NEBL: variants seen among roughly 807,000 people sequenced by gnomAD.
NEBL encodes the protein nebulette, also known as LIM and SH3 protein 2.
In NEBL, 122 loss-of-function variants were observed where a neutral mutation model predicts 140.2. The observed-to-expected ratio is 0.87, with a 90% confidence interval of 0.75 to 1.01. The LOEUF (loss-of-function observed/expected upper bound fraction) is 1.01, where lower values mean the gene tolerates loss of function less well. NEBL is among the 50% of genes least tolerant of loss of function. NEBL has a pLI of 0.00. For synonymous variants in NEBL, 436 were observed against 398.9 expected (o/e 1.09, Z -1.11); for missense variants, 1,365 against 1,231.3 (o/e 1.11, Z -1.62).
intron 4 of NEBL, among the ~76,000 whole-genome samples, chr10:20,937,556 T>C (rs1277225670): frequency 6.6e-6 from 1 of 152,116 alleles, no homozygotes; most frequent in Non-Finnish European, 1.5e-5. Flanking sequence ...ACTGGGGGAC[T>C]GGGTTCATCT....
chr10:21,097,132 A>G (rs913689490), intron 2 of NEBL, among the ~76,000 whole-genome samples: 6 of 146,198 alleles, frequency 4.1e-5, no homozygotes, highest in African/African-American at 1.5e-4. Context: ...TATAATAATT[A>G]TTCATTGCCT....
chr10:20,829,012 G>A (rs1840150604), intron 16 of NEBL, among the ~76,000 whole-genome samples: 1 of 152,056 alleles, frequency 6.6e-6, no homozygotes, highest in African/African-American at 2.4e-5. Flanking sequence ...CACTTACATT[G>A]TACTTACTAT....
chr10:21,211,256 A>G (rs1841910678), intron 3 of NEBL, among the ~76,000 whole-genome samples: 1 of 152,194 alleles, frequency 6.6e-6, no homozygotes. Context: ...AGGCTGGAAG[A>G]TCACTTGAGA....
At chr10:20,920,586 T>G (rs1833534933) in intron 4 of NEBL, among the ~76,000 whole-genome samples, 1 of 152,122 alleles carries the variant, frequency 6.6e-6, no homozygotes, top group Non-Finnish European at 1.5e-5. Flanking sequence ...ATATGCTATA[T>G]GAACACATTT....
chr10:21,090,227 A>G (rs1370112474), intron 2 of NEBL, among the ~76,000 whole-genome samples: 1 of 152,222 alleles, frequency 6.6e-6, no homozygotes, highest in Non-Finnish European at 1.5e-5. Context: ...AAAACTACAC[A>G]CAAAGATTCT....
At chr10:21,149,050 G>A (rs987810920) in intron 2 of NEBL, among the ~76,000 whole-genome samples, 1 of 152,166 alleles carries the variant, frequency 6.6e-6, no homozygotes, top group African/African-American at 2.4e-5. Flanking sequence ...GACTGGCTGG[G>A]TTTCCCCACT....
At chr10:21,254,717 G>T (rs1842632454) in intron 1 of NEBL, among the ~76,000 whole-genome samples, 1 of 152,218 alleles carries the variant, frequency 6.6e-6, no homozygotes, top group African/African-American at 2.4e-5. Context: ...CAAATGGACA[G>T]AAGTATCTGA....
chr10:20,913,220 G>GCCA (rs1214864300), intron 4 of NEBL, among the ~76,000 whole-genome samples: 3 of 152,160 alleles, frequency 2.0e-5, no homozygotes, highest in Non-Finnish European at 2.9e-5. Flanking sequence ...AGTTCAGACA[G>GCCA]CCACAGGCAA....
intron 4 of NEBL, among the ~76,000 whole-genome samples, chr10:20,907,454 C>T (rs1848139621): frequency 6.6e-6 from 1 of 152,098 alleles, no homozygotes; most frequent in Admixed American, 6.6e-5. Context: ...ACTTATATGA[C>T]TGAATAATAA....
intron 26 of NEBL, among the ~76,000 whole-genome samples, chr10:20,807,262 G>A (rs888081818): frequency 6.6e-6 from 1 of 152,200 alleles, no homozygotes; most frequent in Non-Finnish European, 1.5e-5. Context: ...GGAGGTGAAG[G>A]CTGCAGTGAG....
chr10:21,100,220 T>C lies in NEBL; in HGVS notation c.164+72163A>G, dbSNP rs550163112. 4.4e-3 allele frequency among the ~76,000 whole-genome samples: 677 copies of C among 152,312 alleles called. 4 individuals are homozygous for C. Among genetic ancestry groups the C allele is most frequent in the African/African-American group, 0.015 (639 of 41,570 alleles). On this transcript the variant is annotated intron_variant, in intron 2 of 6. Coordinates refer to the NEBL transcript ENST00000417816. The stretch of plus-strand genomic sequence containing the variant: ...TTTAATTCTCTTGGCGAGCATTTAC[T>C]AAGCGTGTGTGGGATGTGTGGTACC...
At chr10:21,034,458 A>G (rs944149361) in intron 2 of NEBL, among the ~76,000 whole-genome samples, 7 of 152,200 alleles carry the variant, frequency 4.6e-5, no homozygotes, top group African/African-American at 1.4e-4. Flanking sequence ...CATTCTTCTC[A>G]GCACAGTAAC....
intron 22 of NEBL, 133 bp from the exon 23 acceptor site, chr10:20,814,176 A>C (rs563573283): frequency 1.4e-6 from 1 of 706,068 alleles, no homozygotes; most frequent in East Asian, 2.7e-5. Context: ...AGTGAATTAA[A>C]TTTTGTTCTA....
intron 26 of NEBL, among the ~76,000 whole-genome samples, chr10:20,805,914 G>A (rs1837573524): frequency 6.6e-6 from 1 of 151,582 alleles, no homozygotes; most frequent in African/African-American, 2.4e-5. Flanking sequence ...AGTCATCGCT[G>A]CTGTCCAAAA....
chr10:21,220,778 A>T (rs182511956), intron 3 of NEBL, among the ~76,000 whole-genome samples: 2 of 152,268 alleles, frequency 1.3e-5, no homozygotes, highest in Non-Finnish European at 2.9e-5. Flanking sequence ...TTCAAGATAT[A>T]TAAGGAACTC....
intron 4 of NEBL, among the ~76,000 whole-genome samples, chr10:20,913,541 G>C (rs974413498): frequency 6.6e-6 from 1 of 152,098 alleles, no homozygotes; most frequent in African/African-American, 2.4e-5. Flanking sequence ...ATATTGTCTG[G>C]TTATAAAAAT....
At chr10:21,234,029 A>AGAT (rs1842312470) in intron 3 of NEBL, among the ~76,000 whole-genome samples, 2 of 138,990 alleles carry the variant, frequency 1.4e-5, no homozygotes, top group Non-Finnish European at 3.3e-5. Flanking sequence ...ATAGATAGAT[A>AGAT]GATAGATAGA....
At chr10:20,804,859 A>T (rs1837461416) in intron 26 of NEBL, among the ~76,000 whole-genome samples, 1 of 152,306 alleles carries the variant, frequency 6.6e-6, no homozygotes, top group South Asian at 2.1e-4. Flanking sequence ...GAGTGACATG[A>T]TGTCACCAGG....
chr10:20,884,775 G>A (rs563442133), intron 4 of NEBL, among the ~76,000 whole-genome samples: 3 of 152,220 alleles, frequency 2.0e-5, no homozygotes, highest in Middle Eastern at 3.2e-3. Flanking sequence ...AGCGTGAATT[G>A]CTTCTATGAT....
Sources: allele counts gnomAD v4.1 joint callset (sites outside exome capture counted in the v4.1 genomes callset), GRCh38; gene constraint gnomAD v4.1.1; transcripts MANE v1.5; gene names NCBI Gene and HGNC (gene_info 2026-07-23, HGNC 2026-07-21).